The following SPAG17 variants were observed in gnomAD, a reference collection of about 807,000 sequenced individuals.
SPAG17 encodes the protein sperm associated antigen 17.
A neutral mutation model predicts 273.6 loss-of-function variants in SPAG17; 169 were observed. The observed-to-expected ratio is 0.62, with a 90% CI of 0.55 to 0.70. The LOEUF (loss-of-function observed/expected upper bound fraction) is 0.70. Ranked by LOEUF, SPAG17 falls within the 30% of genes least tolerant of loss-of-function variation. The pLI, the probability that SPAG17 is intolerant of heterozygous loss-of-function variation, is 0.00. For missense variants in SPAG17, 2,557 were observed against 2,627.8 expected, an observed-to-expected ratio of 0.97 and a Z score of 0.59; for synonymous variants, 825 against 873.2, an observed-to-expected ratio of 0.94 and a Z score of 0.97.
chr1:118,146,771 ATT>A (rs2102335984), intron 3 of SPAG17, among the ~76,000 whole-genome samples: 1 of 152,268 alleles, frequency 6.6e-6, no homozygotes, highest in East Asian at 1.9e-4. Flanking sequence ...CAAATTCTTC[ATT>A]TTGCTAGTGA....
chr1:118,043,598 C>T (rs965723966), intron 20 of SPAG17, among the ~76,000 whole-genome samples: 1 of 152,190 alleles, frequency 6.6e-6, no homozygotes, highest in African/African-American at 2.4e-5. Flanking sequence ...CTGCATAGCA[C>T]TGCCAACTTC....
At chr1:117,965,541 T>C (rs1371969740) in intron 47 of SPAG17, 7 of 152,272 alleles carry the variant, frequency 4.6e-5, no homozygotes, top group Non-Finnish European at 8.8e-5. Flanking sequence ...CTACCTCAGA[T>C]TTTGCAGTTT....
chr1:117,992,769 G>A (rs1657252935), intron 35 of SPAG17, 121 bp from the exon 36 acceptor site: 1 of 872,042 alleles, frequency 1.1e-6, no homozygotes, highest in South Asian at 2.7e-5. Flanking sequence ...ACACAGTGGT[G>A]AAAAAAAATC....
At position 118,086,030 on chromosome 1, in the gene SPAG17, G is replaced by T; in HGVS notation, c.1654C>A (p.Gln552Lys). The change falls in exon 13 of 49, where the codon CAG becomes AAG. Residue 552 changes from glutamine to lysine, a missense_variant. Coordinates refer to ENST00000336338, the MANE Select transcript of SPAG17 (RefSeq NM_206996.4). ...FDPVQIEQEMQSKLPLWEFLQ... is the reference protein window; with the variant it reads ...FDPVQIEQEMKSKLPLWEFLQ... ...AATTCCCACAGTGGCAACTTGGACTGCATCTCCTGCTCAATTTGAACTGGA... is the reference window on the plus strand; with the variant it reads ...AATTCCCACAGTGGCAACTTGGACTTCATCTCCTGCTCAATTTGAACTGGA... The T allele has an allele frequency of 6.2e-7, 1 of 1,613,738 alleles. No individual in the cohort carries two copies. The highest frequency in any genetic ancestry group is 8.5e-7 in the Non-Finnish European group (1 of 1,179,896).
intron 48 of SPAG17, among the ~76,000 whole-genome samples, chr1:117,956,830 GA>G (rs1356118207): frequency 6.6e-6 from 1 of 152,064 alleles, no homozygotes; most frequent in African/African-American, 2.4e-5. Flanking sequence ...TATCTGGAAG[GA>G]AAAAAAGTTA....
At chr1:118,184,810 G>A (rs1345080564) in intron 1 of SPAG17, among the ~76,000 whole-genome samples, 1 of 152,186 alleles carries the variant, frequency 6.6e-6, no homozygotes. Flanking sequence ...GGTTCTGGAG[G>A]TGTCAGAGCG....
chr1:117,995,487 G>A (rs1352678087), intron 34 of SPAG17, among the ~76,000 whole-genome samples: 1 of 152,014 alleles, frequency 6.6e-6, no homozygotes, highest in East Asian at 1.9e-4. Flanking sequence ...AATGTGAGAT[G>A]AATTCTTATT....
At chr1:118,063,920 G>T (rs763521000) in intron 18 of SPAG17, among the ~76,000 whole-genome samples, 12 of 152,114 alleles carry the variant, frequency 7.9e-5, no homozygotes, top group Non-Finnish European at 1.8e-4. Context: ...CAAAAAGTGG[G>T]CGAAGGATAT....
chr1:118,014,936 C>T (rs74983602), intron 29 of SPAG17, among the ~76,000 whole-genome samples: 1 of 152,144 alleles, frequency 6.6e-6, no homozygotes, highest in Non-Finnish European at 1.5e-5. Flanking sequence ...GTGTAATACA[C>T]ATTTGGTGTG....
intron 1 of SPAG17, among the ~76,000 whole-genome samples, chr1:118,154,521 G>A (rs1305528782): frequency 1.3e-5 from 2 of 152,234 alleles, no homozygotes; most frequent in East Asian, 3.9e-4. Context: ...GCAATTCTCT[G>A]CAAATACAAT....
At position 118,102,549 on chromosome 1, in the gene SPAG17, G is replaced by C. The variant is rs561648506; in HGVS notation, c.448-623C>G. Among the ~76,000 whole-genome samples, 6 of 152,230 alleles carry C rather than the reference G, an allele frequency of 3.9e-5. No individual in the cohort carries two copies. The East Asian group carries it at 1.2e-3, about 29-fold the overall frequency. On this transcript the variant is annotated intron_variant, in intron 4 of 48. Transcript: ENST00000336338. ...CAGACATAACCAATGGTTGCTATTTGATGCCTTCAAAGATGGGGTCAGAAT... is the reference window on the plus strand; with the variant it reads ...CAGACATAACCAATGGTTGCTATTTCATGCCTTCAAAGATGGGGTCAGAAT...
At chr1:117,956,831 A>G (rs928614155) in intron 48 of SPAG17, among the ~76,000 whole-genome samples, 2 of 152,192 alleles carry the variant, frequency 1.3e-5, no homozygotes, top group Non-Finnish European at 2.9e-5. Context: ...ATCTGGAAGG[A>G]AAAAAAGTTA....
At chr1:118,146,250 G>A (rs1467757076) in intron 3 of SPAG17, among the ~76,000 whole-genome samples, 2 of 152,132 alleles carry the variant, frequency 1.3e-5, no homozygotes, top group Non-Finnish European at 2.9e-5. Flanking sequence ...GGTACACGTA[G>A]AACTCTCTCA....
At chr1:118,174,749 C>G (rs1017396768) in intron 1 of SPAG17, among the ~76,000 whole-genome samples, 6 of 152,264 alleles carry the variant, frequency 3.9e-5, no homozygotes, top group African/African-American at 1.2e-4. Context: ...AAGGGATTAT[C>G]TATAAGATTA....
chr1:118,159,182 T>G (rs1659793494), intron 1 of SPAG17, among the ~76,000 whole-genome samples: 1 of 152,226 alleles, frequency 6.6e-6, no homozygotes, highest in South Asian at 2.1e-4. Flanking sequence ...CTTTGATGTT[T>G]AGACAACACT....
intron 18 of SPAG17, among the ~76,000 whole-genome samples, chr1:118,066,422 T>C (rs755688994): frequency 2.2e-4 from 34 of 152,214 alleles, no homozygotes; most frequent in Non-Finnish European, 4.4e-4. Flanking sequence ...TCATGTTTTA[T>C]AGTTCCTACT....
intron 3 of SPAG17, among the ~76,000 whole-genome samples, chr1:118,127,197 AT>A (rs564859306): frequency 6.6e-6 from 1 of 151,272 alleles, no homozygotes; most frequent in African/African-American, 2.4e-5. Flanking sequence ...TAATTTTAGG[AT>A]TTTTTTTTCT....
intron 12 of SPAG17, 77 bp from the exon 13 acceptor site, chr1:118,086,149 C>T: frequency 1.6e-6 from 2 of 1,280,070 alleles, no homozygotes; most frequent in Non-Finnish European, 2.2e-6. Context: ...GAAGGCTAAA[C>T]ATGATACCTT....
intron 3 of SPAG17, among the ~76,000 whole-genome samples, chr1:118,127,209 A>G (rs566082434): frequency 1.3e-5 from 2 of 151,554 alleles, no homozygotes. Context: ...TTTTTTTTCT[A>G]TTTCTGTGTA....
Sources: allele counts gnomAD v4.1 joint callset (sites outside exome capture counted in the v4.1 genomes callset), GRCh38; gene constraint gnomAD v4.1.1; transcripts MANE v1.5; gene names NCBI Gene and HGNC (gene_info 2026-07-23, HGNC 2026-07-21).